The following ADK variants were observed in gnomAD, a reference collection of about 807,000 sequenced individuals.
ADK encodes the protein adenosine kinase.
A neutral mutation model predicts 44.7 loss-of-function variants in ADK; 24 were observed. The ratio of observed to expected loss-of-function variants is 0.54; its 90% CI spans 0.39 to 0.76. ADK has a LOEUF of 0.76. Among genes scored for constraint, ADK ranks in the 30% least tolerant of loss-of-function variants. The probability of loss-of-function intolerance (pLI) is 0.00; values close to 1 mark genes in which losing one functional copy is unlikely to be tolerated. For missense variants in ADK, 321 were observed against 425.1 expected (o/e 0.76, Z 2.15); for synonymous variants, 128 against 142.6 (o/e 0.90, Z 0.73).
chr10:74,488,901 C>G (rs1048293043), intron 6 of ADK, among the ~76,000 whole-genome samples: 9 of 151,766 alleles, frequency 5.9e-5, no homozygotes, highest in African/African-American at 2.2e-4. Context: ...TGATCTTGGA[C>G]AAGTAATTTG....
At chr10:74,245,588 G>GT (rs1452811124) in intron 3 of ADK, among the ~76,000 whole-genome samples, 50 of 81,308 alleles carry the variant, frequency 6.1e-4, no homozygotes, top group Middle Eastern at 0.019. Context: ...CATAGTTTTT[G>GT]TTTTTGTTTT....
intron 2 of ADK, among the ~76,000 whole-genome samples, chr10:74,218,395 G>A (rs547742392): frequency 6.6e-6 from 1 of 152,198 alleles, no homozygotes; most frequent in Non-Finnish European, 1.5e-5. Context: ...ACGTCTGATT[G>A]GTGTACCTGA....
chr10:74,622,189 C>T (rs1275350075), intron 9 of ADK, among the ~76,000 whole-genome samples: 1 of 152,112 alleles, frequency 6.6e-6, no homozygotes, highest in East Asian at 1.9e-4. Context: ...GTCCCAAACT[C>T]GAATTTTTGT....
chr10:74,520,509 A>T (rs530319856), intron 6 of ADK, among the ~76,000 whole-genome samples: 2 of 152,132 alleles, frequency 1.3e-5, no homozygotes, highest in Admixed American at 1.3e-4. Flanking sequence ...TTGGTAATAG[A>T]AATAATGAAA....
intron 4 of ADK, among the ~76,000 whole-genome samples, chr10:74,344,242 T>A (rs1444282032): frequency 2.6e-5 from 4 of 152,170 alleles, no homozygotes; most frequent in Non-Finnish European, 5.9e-5. Flanking sequence ...GAAGAGTTTG[T>A]GGAGAATTGG....
chr10:74,283,838 G>A lies in ADK; in HGVS notation c.195-30829G>A, dbSNP rs574848316. On this transcript the variant is annotated intron_variant, in intron 3 of 10. Coordinates refer to ENST00000539909, the MANE Select transcript of ADK (RefSeq NM_006721.4). ...TGGGACTACAGGTGCCCGCCACCACGCCTGGCTAATTTTTTGTATTTTTAG... is the reference window on the plus strand; with the variant it reads ...TGGGACTACAGGTGCCCGCCACCACACCTGGCTAATTTTTTGTATTTTTAG... Among the ~76,000 whole-genome samples, 237 of 151,332 alleles carry A rather than the reference G, an allele frequency of 1.6e-3. 1 individual carries two copies. Among genetic ancestry groups the A allele is most frequent in the Middle Eastern group, 0.01 (3 of 294 alleles).
chr10:74,632,278 T>C (rs1853465821), intron 9 of ADK, among the ~76,000 whole-genome samples: 1 of 152,220 alleles, frequency 6.6e-6, no homozygotes. Flanking sequence ...TTATAGCATG[T>C]GTCAGTTTTT....
intron 4 of ADK, among the ~76,000 whole-genome samples, chr10:74,366,765 A>G (rs1366276053): frequency 6.6e-6 from 1 of 152,138 alleles, no homozygotes; most frequent in African/African-American, 2.4e-5. Flanking sequence ...CCCCATCTCT[A>G]TAAAAAATAC....
intron 1 of ADK, among the ~76,000 whole-genome samples, chr10:74,157,729 A>AAT (rs1841790221): frequency 6.6e-6 from 1 of 151,522 alleles, no homozygotes; most frequent in Non-Finnish European, 1.5e-5. Flanking sequence ...AAAAAAAAAA[A>AAT]AAAAAATACA....
intron 8 of ADK, among the ~76,000 whole-genome samples, chr10:74,592,299 GTT>G (rs1244576583): frequency 6.6e-6 from 1 of 151,948 alleles, no homozygotes; most frequent in Non-Finnish European, 1.5e-5. Flanking sequence ...ACTGGAGTGT[GTT>G]TTTAAATCTA....
intron 1 of ADK, among the ~76,000 whole-genome samples, chr10:74,153,460 T>G (rs573616305): frequency 6.6e-5 from 10 of 152,324 alleles, no homozygotes; most frequent in Admixed American, 6.5e-4. Context: ...TAGTCTGCCT[T>G]TCTCAAATAT....
intron 7 of ADK, among the ~76,000 whole-genome samples, chr10:74,531,216 A>G (rs995072008): frequency 6.6e-6 from 1 of 152,176 alleles, no homozygotes; most frequent in African/African-American, 2.4e-5. Context: ...AACCATTCCT[A>G]TCCTACTAGT....
chr10:74,616,784 A>C (rs908972559), intron 9 of ADK, among the ~76,000 whole-genome samples: 1 of 152,088 alleles, frequency 6.6e-6, no homozygotes, highest in Admixed American at 6.6e-5. Context: ...GTTTTTTCAG[A>C]TTATATTGAA....
At chr10:74,707,613 A>G (rs1856649093) in intron 10 of ADK, among the ~76,000 whole-genome samples, 1 of 151,732 alleles carries the variant, frequency 6.6e-6, no homozygotes, top group Non-Finnish European at 1.5e-5. Context: ...AAATACAAAA[A>G]TTAGCTGGGC....
At chr10:74,541,264 C>G (rs1445827974) in intron 7 of ADK, among the ~76,000 whole-genome samples, 3 of 152,188 alleles carry the variant, frequency 2.0e-5, no homozygotes, top group Non-Finnish European at 4.4e-5. Context: ...ATTGGCCTGC[C>G]TTGGCCTCGC....
At chr10:74,677,965 CAAAAA>C (rs3037448) in intron 10 of ADK, among the ~76,000 whole-genome samples, 4 of 43,058 alleles carry the variant, frequency 9.3e-5, no homozygotes, top group South Asian at 1.4e-3. Context: ...CCAGTCTCTA[CAAAAA>C]AAAAAAAAAA....
intron 9 of ADK, among the ~76,000 whole-genome samples, chr10:74,645,650 A>G (rs1440518869): frequency 5.3e-5 from 8 of 152,174 alleles, no homozygotes; most frequent in African/African-American, 9.7e-5. Context: ...AAAGTCCCCA[A>G]TTGCTAGCTT....
chr10:74,342,817 T>TGTGTGTGTGTGTGTGTGTGTG (rs1564664123), intron 4 of ADK, among the ~76,000 whole-genome samples: 6 of 98,362 alleles, frequency 6.1e-5, no homozygotes, highest in African/African-American at 3.4e-4. Context: ...GTGTGTGTGT[T>TGTGTGTGTGTGTGTGTGTGTG]TTAATATTGA....
chr10:74,302,105 GTTTGTTTTTTTTTT>G (rs1564642201), intron 3 of ADK, among the ~76,000 whole-genome samples: 5,219 of 88,748 alleles, frequency 0.059, 971 homozygotes, highest in Non-Finnish European at 0.063. Context: ...TTTTTTGTTT[GTTTGTTTTTTTTTT>G]TTTTTTTTTT....
Sources: gnomAD v4.1 joint callset for allele counts (sites outside exome capture counted in the v4.1 genomes callset) on GRCh38, gnomAD v4.1.1 for gene constraint, MANE v1.5 for transcripts, NCBI Gene and HGNC (gene_info 2026-07-23, HGNC 2026-07-21) for gene names.